OPCML: variants seen among roughly 807,000 people sequenced by gnomAD.
OPCML encodes opioid-binding protein/cell adhesion molecule.
A neutral mutation model predicts 37.8 loss-of-function variants in OPCML; 13 were observed. That is an observed-to-expected ratio of 0.34 (90% CI 0.22 to 0.55). The LOEUF is 0.55. Among genes scored for constraint, OPCML ranks in the 20% least tolerant of loss-of-function variants. The pLI, the probability that OPCML is intolerant of heterozygous loss-of-function variation, is 0.91. For synonymous variants in OPCML, 176 were observed against 168.8 expected (o/e 1.04, Z -0.33); for missense variants, 341 against 435.6 (o/e 0.78, Z 1.93).
intron 3 of OPCML, among the ~76,000 whole-genome samples, chr11:132,544,855 C>T (rs1006840362): frequency 1.1e-4 from 16 of 152,076 alleles, no homozygotes; most frequent in African/African-American, 3.9e-4. Context: ...GAGGAAGGAG[C>T]CACACACTAA....
intron 2 of OPCML, among the ~76,000 whole-genome samples, chr11:132,938,749 G>A (rs1300815308): frequency 6.6e-6 from 1 of 152,124 alleles, no homozygotes; most frequent in Non-Finnish European, 1.5e-5. Context: ...TTGCCCATGA[G>A]GTGCAGGCAC....
At chr11:133,338,798 C>G (rs1411070352) in intron 1 of OPCML, among the ~76,000 whole-genome samples, 1 of 152,222 alleles carries the variant, frequency 6.6e-6, no homozygotes, top group East Asian at 1.9e-4. Context: ...TGCCCACGCA[C>G]CAGGAACTGG....
intron 1 of OPCML, among the ~76,000 whole-genome samples, chr11:132,987,504 G>C (rs961867382): frequency 4.6e-5 from 7 of 152,306 alleles, no homozygotes; most frequent in African/African-American, 1.7e-4. Context: ...GCCCCATTGC[G>C]AGAGAGTTTG....
In OPCML at chr11:132,500,157, T is replaced by C. The variant is rs573431166; in HGVS notation, c.505+28904A>G. Reference sequence around the variant, plus strand: ...GGGAAACTAAGTCATCAGTAGACCATCATGCCTTAATGGCAGTGTCTTGTC... The same window carrying C: ...GGGAAACTAAGTCATCAGTAGACCACCATGCCTTAATGGCAGTGTCTTGTC... On this transcript the variant is annotated intron_variant, in intron 4 of 7. Coordinates refer to ENST00000524381, the MANE Select transcript of OPCML (RefSeq NM_001012393.5). Among the ~76,000 whole-genome samples, 8 of 152,274 alleles carry C rather than the reference T, an allele frequency of 5.3e-5. No homozygotes were observed. The East Asian group carries it at 1.5e-3, about 29-fold the overall frequency.
At chr11:133,165,387 C>T (rs1471839693) in intron 1 of OPCML, among the ~76,000 whole-genome samples, 1 of 152,076 alleles carries the variant, frequency 6.6e-6, no homozygotes, top group Non-Finnish European at 1.5e-5. Flanking sequence ...TGCACCTTGG[C>T]TGCAGCAGGA....
intron 1 of OPCML, among the ~76,000 whole-genome samples, chr11:133,189,252 G>C (rs1938210418): frequency 6.6e-6 from 1 of 152,062 alleles, no homozygotes; most frequent in Non-Finnish European, 1.5e-5. Flanking sequence ...TAAAAAATAT[G>C]ATTTTCCATT....
At chr11:132,769,008 C>T (rs768153876) in intron 2 of OPCML, among the ~76,000 whole-genome samples, 6 of 151,972 alleles carry the variant, frequency 3.9e-5, no homozygotes, top group Non-Finnish European at 7.4e-5. Context: ...TTGAGCCTCT[C>T]CTTTCCTGAC....
chr11:133,019,763 G>C (rs113197490), intron 1 of OPCML, among the ~76,000 whole-genome samples: 1 of 152,064 alleles, frequency 6.6e-6, no homozygotes, highest in Non-Finnish European at 1.5e-5. Flanking sequence ...AGTGAAGCGC[G>C]CATATGCCAG....
At chr11:133,477,292 C>G (rs1306027543) in intron 1 of OPCML, among the ~76,000 whole-genome samples, 1 of 152,170 alleles carries the variant, frequency 6.6e-6, no homozygotes, top group African/African-American at 2.4e-5. Context: ...CCCCTTTAAC[C>G]TGTTCTCTGG....
chr11:132,892,765 C>A (rs1259652910), intron 2 of OPCML, among the ~76,000 whole-genome samples: 2 of 152,034 alleles, frequency 1.3e-5, no homozygotes, highest in Admixed American at 1.3e-4. Context: ...AAGACTCCAT[C>A]TCAAAAGTAA....
intron 3 of OPCML, among the ~76,000 whole-genome samples, chr11:132,619,682 C>T (rs1232064179): frequency 2.9e-5 from 1 of 33,964 alleles, no homozygotes; most frequent in Non-Finnish European, 5.4e-5. Flanking sequence ...ACTGAAAATA[C>T]CAAAAAAAAA....
chr11:133,333,799 A>G (rs1943679172), intron 1 of OPCML, among the ~76,000 whole-genome samples: 1 of 152,214 alleles, frequency 6.6e-6, no homozygotes, highest in African/African-American at 2.4e-5. Context: ...TACAAGAGAA[A>G]AACAAAAAAC....
At chr11:132,543,814 T>C (rs898676648) in intron 3 of OPCML, among the ~76,000 whole-genome samples, 1 of 152,188 alleles carries the variant, frequency 6.6e-6, no homozygotes, top group Non-Finnish European at 1.5e-5. Flanking sequence ...ACATTACTTA[T>C]AATTCTTGGA....
At chr11:132,518,978 A>G (rs2096286251) in intron 4 of OPCML, among the ~76,000 whole-genome samples, 1 of 152,144 alleles carries the variant, frequency 6.6e-6, no homozygotes, top group Non-Finnish European at 1.5e-5. Flanking sequence ...GATATGATAC[A>G]AGTGATATCC....
At position 133,173,984 on chromosome 11, in the gene OPCML, C is replaced by T. The variant is rs778999204; in HGVS notation, c.62-230974G>A. On this transcript the variant is annotated intron_variant, in intron 1 of 7. Coordinates refer to ENST00000524381, the MANE Select transcript of OPCML (RefSeq NM_001012393.5). The surrounding 1 kb of genome is among the most constrained non-coding windows in gnomAD (Gnocchi z 7.8). The stretch of plus-strand genomic sequence containing the variant: ...CCCAGTCAGCCAATGCACCGGGACG[C>T]TGACATAAATCAGGGGCAGCAACGG... 1.2e-4 allele frequency among the ~76,000 whole-genome samples: 19 copies of T among 152,334 alleles called. No individual in the cohort carries two copies. The highest frequency in any genetic ancestry group is 2.0e-4 in the Admixed American group (3 of 15,298).
intron 1 of OPCML, among the ~76,000 whole-genome samples, chr11:133,235,273 A>T (rs1201615519): frequency 6.6e-6 from 1 of 152,198 alleles, no homozygotes; most frequent in Non-Finnish European, 1.5e-5. Context: ...ACCCTCAGTA[A>T]GAGACCAACG....
At chr11:132,819,883 A>G (rs1939871320) in intron 2 of OPCML, among the ~76,000 whole-genome samples, 1 of 152,168 alleles carries the variant, frequency 6.6e-6, no homozygotes, top group Non-Finnish European at 1.5e-5. Context: ...GCTGTTTGTG[A>G]TGCTCTAGAG....
intron 1 of OPCML, among the ~76,000 whole-genome samples, chr11:133,112,040 G>A (rs909487877): frequency 1.6e-4 from 24 of 152,094 alleles, no homozygotes; most frequent in African/African-American, 5.3e-4. Flanking sequence ...CCACCTTCAC[G>A]CTGGTTCTTA....
intron 3 of OPCML, among the ~76,000 whole-genome samples, chr11:132,537,876 AC>A (rs2096345164): frequency 6.6e-6 from 1 of 152,212 alleles, no homozygotes; most frequent in Admixed American, 6.5e-5. Context: ...ATCACTTCAC[AC>A]CCACTATGAT....
Sources: gnomAD v4.1 joint callset for allele counts (sites outside exome capture counted in the v4.1 genomes callset) on GRCh38, gnomAD v4.1.1 for gene constraint, Gnocchi (gnomAD v3.1) non-coding constraint, MANE v1.5 for transcripts, NCBI Gene and HGNC (gene_info 2026-07-23, HGNC 2026-07-21) for gene names.